The following PPP1R1C variants were observed in gnomAD, a reference collection of about 807,000 sequenced individuals.
PPP1R1C encodes protein phosphatase 1 regulatory inhibitor subunit 1C, also known as protein phosphatase 1 regulatory subunit 1C.
In PPP1R1C, 15 loss-of-function variants were observed where a neutral mutation model predicts 17.4. The observed-to-expected ratio is 0.86, with a 90% CI of 0.58 to 1.33. PPP1R1C has a LOEUF of 1.33. Ranked by LOEUF, PPP1R1C falls within the 40% of genes most tolerant of loss-of-function variation. PPP1R1C has a pLI of 0.00. For synonymous variants in PPP1R1C, 35 were observed against 43.1 expected (o/e 0.81, Z 0.73); for missense variants, 143 against 130.0 (o/e 1.10, Z -0.48).
rs1194704853 is a variant in PPP1R1C at position 181,962,406 on chromosome 2, C to T, written n.111+7772C>T. On this transcript the variant is annotated intron_variant and non_coding_transcript_variant, in intron 1 of 5. Coordinates refer to the PPP1R1C transcript ENST00000464264. This position sits in a 1 kb window ranked among gnomAD's most constrained non-coding sequence, Gnocchi z 6.0. ...GCCATGCAGCTGGCCGGCCGGGCGCCGTAGTTGGACACCTGGACAGAGCCC... is the reference window on the plus strand; with the variant it reads ...GCCATGCAGCTGGCCGGCCGGGCGCTGTAGTTGGACACCTGGACAGAGCCC... The T allele has an allele frequency of 8.3e-6, 6 of 720,002 alleles. No individual in the cohort carries two copies. The highest frequency in any genetic ancestry group is 4.1e-4 in the Middle Eastern group (1 of 2,432). The allele number at this position is 720,002 out of a possible 1,614,324, so 44.6% of individuals were successfully genotyped here.
intron 1 of PPP1R1C, among the ~76,000 whole-genome samples, chr2:181,955,411 C>T (rs1007719460): frequency 3.9e-5 from 6 of 152,112 alleles, no homozygotes; most frequent in Admixed American, 2.6e-4. Flanking sequence ...AGGGAAAGGC[C>T]ATGTGCGTGT....
intron 4 of PPP1R1C, among the ~76,000 whole-genome samples, chr2:182,107,100 C>T (rs1689276624): frequency 6.6e-6 from 1 of 152,176 alleles, no homozygotes; most frequent in Non-Finnish European, 1.5e-5. Context: ...TTGGGGCACA[C>T]AATTCAATCT....
chr2:182,125,104 T>C (rs567724370), intron 5 of PPP1R1C, among the ~76,000 whole-genome samples: 200 of 152,340 alleles, frequency 1.3e-3, no homozygotes, highest in Non-Finnish European at 2.1e-3. Context: ...GTTTTTAGCA[T>C]GAAGGAGTGT....
downstream of PPP1R1C, among the ~76,000 whole-genome samples, chr2:182,119,008 C>G (rs912635118): frequency 4.6e-5 from 7 of 151,890 alleles, no homozygotes; most frequent in Non-Finnish European, 8.8e-5. Context: ...CATGCATTAA[C>G]TCGTCATTTA....
At chr2:182,065,881 G>A (rs568939333) in intron 4 of PPP1R1C, among the ~76,000 whole-genome samples, 95 of 152,050 alleles carry the variant, frequency 6.2e-4, no homozygotes, top group South Asian at 1.7e-3. Flanking sequence ...TTTTTTCCAG[G>A]TTGAAATATC....
chr2:182,090,318 A>AGTGTGTGTGTGTGTGTGT (rs1559088788), intron 4 of PPP1R1C, among the ~76,000 whole-genome samples: 18 of 104,500 alleles, frequency 1.7e-4, no homozygotes, highest in African/African-American at 8.3e-4. Flanking sequence ...TGTGTGTGTC[A>AGTGTGTGTGTGTGTGTGT]GAGAGAGACA....
intron 4 of PPP1R1C, among the ~76,000 whole-genome samples, chr2:182,081,834 A>G (rs1457237199): frequency 1.3e-5 from 2 of 152,160 alleles, no homozygotes; most frequent in African/African-American, 4.8e-5. Context: ...CCATTTCACT[A>G]TGGATATAGA....
intron 4 of PPP1R1C, among the ~76,000 whole-genome samples, chr2:182,108,077 T>G (rs1689308543): frequency 6.6e-6 from 1 of 152,100 alleles, no homozygotes; most frequent in Non-Finnish European, 1.5e-5. Context: ...TATTGTTTCC[T>G]AGGTTAAAAA....
chr2:182,040,555 G>A (rs2125178958), intron 2 of PPP1R1C, among the ~76,000 whole-genome samples: 1 of 152,078 alleles, frequency 6.6e-6, no homozygotes, highest in Non-Finnish European at 1.5e-5. Flanking sequence ...CTGGATATTG[G>A]TCCTTTGTTG....
At chr2:182,079,411 C>T (rs551120228) in intron 4 of PPP1R1C, among the ~76,000 whole-genome samples, 1 of 152,286 alleles carries the variant, frequency 6.6e-6, no homozygotes, top group South Asian at 2.1e-4. Context: ...GTTCCCTATA[C>T]ACAGGTTAGG....
chr2:182,066,977 T>C (rs1017329274), intron 4 of PPP1R1C, among the ~76,000 whole-genome samples: 1 of 151,958 alleles, frequency 6.6e-6, no homozygotes. Context: ...TTTGTGTGTG[T>C]GTGTGTGTGT....
chr2:182,023,047 G>C (rs944944738), intron 2 of PPP1R1C, among the ~76,000 whole-genome samples: 9 of 152,098 alleles, frequency 5.9e-5, no homozygotes, highest in African/African-American at 2.2e-4. Flanking sequence ...TAAAGAAATG[G>C]AATAGCAACT....
rs995244670 is a variant in PPP1R1C at position 182,102,874 on chromosome 2, G to T, written c.242-14333G>T. 1.4e-4 allele frequency among the ~76,000 whole-genome samples: 22 copies of T among 151,812 alleles called. 1 individual carries two copies. The highest frequency in any genetic ancestry group is 4.4e-5 in the Non-Finnish European group (3 of 67,960). ...GTTGCCCAGGCTGGAGTGCAGTGGT[G>T]CACCATCACAGCTCACTGCACTCCT... On this transcript the variant is annotated intron_variant, in intron 4 of 4. Coordinates refer to ENST00000682840, the MANE Select transcript of PPP1R1C (RefSeq NM_001080545.3).
chr2:182,007,022 G>T (rs935348698), intron 2 of PPP1R1C, among the ~76,000 whole-genome samples: 1 of 152,040 alleles, frequency 6.6e-6, no homozygotes, highest in Non-Finnish European at 1.5e-5. Context: ...TTATGCGGAG[G>T]ACATAAGGGA....
chr2:182,074,769 A>G (rs546203998), intron 4 of PPP1R1C, among the ~76,000 whole-genome samples: 3 of 152,254 alleles, frequency 2.0e-5, no homozygotes, highest in African/African-American at 7.2e-5. Context: ...AAAATACCCA[A>G]CACCTCAGTT....
intron 1 of PPP1R1C, among the ~76,000 whole-genome samples, chr2:181,954,960 T>C (rs750373796): frequency 8.0e-4 from 122 of 152,314 alleles, no homozygotes; most frequent in Admixed American, 1.7e-3. Flanking sequence ...CAAATCCTAA[T>C]TGAGGGCTGT....
At chr2:182,008,551 A>G (rs943509241) in intron 2 of PPP1R1C, among the ~76,000 whole-genome samples, 1 of 152,212 alleles carries the variant, frequency 6.6e-6, no homozygotes. Context: ...ATGGGCATAT[A>G]GTAGGTGAAT....
At chr2:182,100,382 T>C (rs1298235800) in intron 4 of PPP1R1C, among the ~76,000 whole-genome samples, 4 of 151,774 alleles carry the variant, frequency 2.6e-5, no homozygotes, top group Non-Finnish European at 5.9e-5. Context: ...TGGTGGTGCG[T>C]GCCTGTAGTC....
chr2:182,041,801 A>G (rs908507864), intron 2 of PPP1R1C, among the ~76,000 whole-genome samples: 5 of 152,148 alleles, frequency 3.3e-5, no homozygotes, highest in Non-Finnish European at 7.4e-5. Flanking sequence ...GTTGCCCTTT[A>G]CCCAGCAACA....
Sources: allele counts gnomAD v4.1 joint callset (sites outside exome capture counted in the v4.1 genomes callset), GRCh38; gene constraint gnomAD v4.1.1; non-coding constraint Gnocchi (gnomAD v3.1); transcripts MANE v1.5; gene names NCBI Gene and HGNC (gene_info 2026-07-23, HGNC 2026-07-21).